The following ADGRL4 variants were observed in gnomAD, a reference collection of about 807,000 sequenced individuals.
ADGRL4 encodes adhesion G protein-coupled receptor L4.
Under a neutral mutation model 74.8 loss-of-function variants are expected in ADGRL4, and 90 were observed. The observed-to-expected ratio is 1.20, with a 90% CI of 1.02 to 1.43. The LOEUF is 1.43. ADGRL4 is among the 40% of genes most tolerant of loss of function. The probability of loss-of-function intolerance (pLI) is 0.00; values close to 1 mark genes in which losing one functional copy is unlikely to be tolerated. For synonymous variants in ADGRL4, 311 were observed against 279.2 expected (o/e 1.11, Z -1.14); for missense variants, 881 against 814.3 (o/e 1.08, Z -1.00).
intron 2 of ADGRL4, among the ~76,000 whole-genome samples, chr1:78,983,436 T>C (rs1223393787): frequency 1.4e-5 from 2 of 145,544 alleles, no homozygotes; most frequent in East Asian, 4.0e-4. Context: ...GAGAACCAAG[T>C]AGAAGAAGCT....
Position 78,891,615 on chromosome 1 carries a change from T to A in ADGRL4, c.1919A>T (p.His640Leu), listed in dbSNP as rs1012507804. The change falls in exon 14 of 15, where the codon CAC becomes CTC. Residue 640 changes from histidine (H) to leucine (L), a missense_variant. Coordinates refer to ENST00000370742, the MANE Select transcript of ADGRL4 (RefSeq NM_022159.4). ...GAGGTAAGCTGTAACCACTGATGCGTGCACAACATGGAGAACCCCAAAGAT... is the reference window on the plus strand; with the variant it reads ...GAGGTAAGCTGTAACCACTGATGCGAGCACAACATGGAGAACCCCAAAGAT... ...TWIFGVLHVV[H>L]ASVVTAYLFT... 1.2e-6 allele frequency: 2 copies of A among 1,613,506 alleles called. No homozygotes were observed. Among genetic ancestry groups the A allele is most frequent in the African/African-American group, 1.3e-5 (1 of 75,002 alleles).
intron 10 of ADGRL4, among the ~76,000 whole-genome samples, chr1:78,918,432 A>T (rs1648931665): frequency 6.6e-6 from 1 of 151,862 alleles, no homozygotes. Context: ...TATTTTATTC[A>T]TGCTCAAAGA....
At position 78,938,117 on chromosome 1, in the gene ADGRL4, A is replaced by G. The variant is rs1482075478; in HGVS notation, c.559T>C (p.Ser187Pro). Residue 187 changes from serine (S) to proline (P), a missense_variant, in exon 5 of 15, where the codon TCT (serine) becomes CCT (proline). Coordinates refer to ENST00000370742, the MANE Select transcript of ADGRL4 (RefSeq NM_022159.4). ...ATACTTACAGTAAGAGTTGAGTTAG[A>G]AAGGGTGTCCTTGGCTGAGATAGTG... ...NNTISAKDTL[S>P]NSTLTEFVKT... 11 of 1,612,758 alleles carry G rather than the reference A, an allele frequency of 6.8e-6. No individual in the cohort carries two copies. Among genetic ancestry groups the G allele is most frequent in the Admixed American group, 1.7e-5 (1 of 59,804 alleles).
intron 2 of ADGRL4, among the ~76,000 whole-genome samples, chr1:78,967,932 G>A (rs536468565): frequency 2.3e-4 from 35 of 151,530 alleles, no homozygotes; most frequent in South Asian, 6.2e-4. Flanking sequence ...ATCAAACTTC[G>A]GCTCCAAAAT....
chr1:78,942,910 A>AC (rs932442911), intron 3 of ADGRL4, among the ~76,000 whole-genome samples: 2 of 152,146 alleles, frequency 1.3e-5, no homozygotes, highest in African/African-American at 4.8e-5. Flanking sequence ...AGCCTGGGTA[A>AC]CAGAGACCTC....
chr1:79,005,333 G>T, intron 1 of ADGRL4, 114 bp from the exon 2 acceptor site: 1 of 890,206 alleles, frequency 1.1e-6, no homozygotes. Context: ...TAGATAAATG[G>T]ATTATAAATT....
chr1:78,895,652 AAGGCTTG>A (rs1183025249), intron 12 of ADGRL4, among the ~76,000 whole-genome samples: 2 of 152,164 alleles, frequency 1.3e-5, no homozygotes, highest in African/African-American at 4.8e-5. Flanking sequence ...GAAAATCTTC[AAGGCTTG>A]AGGAGCTAAG....
At chr1:78,927,179 A>C (rs534158819) in intron 7 of ADGRL4, 88 bp from the exon 8 acceptor site, 1 of 857,948 alleles carries the variant, frequency 1.2e-6, no homozygotes, top group East Asian at 2.6e-5. Flanking sequence ...TTGAATAGAC[A>C]AACATTTTAC....
intron 2 of ADGRL4, among the ~76,000 whole-genome samples, chr1:78,959,520 T>C (rs1417056072): frequency 1.3e-5 from 2 of 152,136 alleles, no homozygotes; most frequent in African/African-American, 2.4e-5. Context: ...CCTTAACATC[T>C]TCAGTTAGTC....
chr1:78,950,616 A>C (rs946433472), intron 2 of ADGRL4, among the ~76,000 whole-genome samples: 30 of 152,182 alleles, frequency 2.0e-4, no homozygotes, highest in African/African-American at 6.5e-4. Context: ...CGAGTCAGTG[A>C]TTTGGAGAAG....
At position 78,939,234 on chromosome 1, in the gene ADGRL4, A is replaced by G. The variant is rs1446336307; in HGVS notation, c.350T>C (p.Leu117Ser). The change falls in exon 4 of 15, where the codon TTA becomes TCA. Residue 117 changes from leucine (L) to serine (S), a missense_variant. Leu to Ser is a moderately radical substitution (Grantham distance 145). Coordinates refer to ENST00000370742, the MANE Select transcript of ADGRL4 (RefSeq NM_022159.4). ...CIENVNANCH[L>S]DNVCIAANIN... The stretch of plus-strand genomic sequence containing the variant: ...ATTTGCAGCTATACAGACATTATCT[A>G]AATGGCAGTTTGCATTCACATTTTC... 6.4e-7 allele frequency: 1 copy of G among 1,567,574 alleles called. No individual in the cohort carries two copies.
intron 12 of ADGRL4, among the ~76,000 whole-genome samples, chr1:78,898,306 T>G (rs920252265): frequency 1.3e-5 from 2 of 152,072 alleles, no homozygotes; most frequent in East Asian, 3.8e-4. Flanking sequence ...ATCTTTAAAA[T>G]GTAAGAAAAA....
chr1:78,924,386 T>C (rs1282613142), intron 8 of ADGRL4, among the ~76,000 whole-genome samples: 4 of 151,944 alleles, frequency 2.6e-5, no homozygotes, highest in Non-Finnish European at 5.9e-5. Context: ...GCCACCAAAA[T>C]ACATATATAA....
intron 13 of ADGRL4, among the ~76,000 whole-genome samples, 169 bp downstream of exon 13, chr1:78,892,929 T>C (rs1003949216): frequency 6.6e-6 from 1 of 151,996 alleles, no homozygotes; most frequent in Non-Finnish European, 1.5e-5. Context: ...CTGCAGTAAT[T>C]GTAGTCTTAA....
At chr1:78,958,473 C>T (rs1460912875) in intron 2 of ADGRL4, among the ~76,000 whole-genome samples, 1 of 152,084 alleles carries the variant, frequency 6.6e-6, no homozygotes, top group Non-Finnish European at 1.5e-5. Flanking sequence ...TTCCAACCCT[C>T]ATAGATGACT....
intron 6 of ADGRL4, among the ~76,000 whole-genome samples, 176 bp downstream of exon 6, chr1:78,937,631 G>T (rs1455561670): frequency 6.6e-6 from 1 of 152,096 alleles, no homozygotes; most frequent in Non-Finnish European, 1.5e-5. Flanking sequence ...CTTTTGACTG[G>T]TACTTTATTC....
intron 7 of ADGRL4, among the ~76,000 whole-genome samples, chr1:78,936,056 G>C: frequency 3.6e-5 from 1 of 27,866 alleles, no homozygotes; most frequent in Non-Finnish European, 9.2e-5. Context: ...CCCGGGAGGC[G>C]GAGCTTGCAG....
chr1:78,942,955 T>C (rs1272088575), intron 3 of ADGRL4, among the ~76,000 whole-genome samples: 1 of 151,966 alleles, frequency 6.6e-6, no homozygotes. Context: ...ATAATGATAA[T>C]AATAATGTTA....
chr1:78,895,800 G>T (rs965573630), intron 12 of ADGRL4, among the ~76,000 whole-genome samples: 9 of 151,956 alleles, frequency 5.9e-5, no homozygotes, highest in African/African-American at 1.7e-4. Context: ...AAGTGCAAAG[G>T]TTTATTTGCT....
Sources: allele counts gnomAD v4.1 joint callset (sites outside exome capture counted in the v4.1 genomes callset), GRCh38; gene constraint gnomAD v4.1.1; transcripts MANE v1.5; gene names NCBI Gene and HGNC (gene_info 2026-07-23, HGNC 2026-07-21).